The following EYS variants were observed in gnomAD, a reference collection of about 807,000 sequenced individuals.
EYS encodes the protein protein eyes shut homolog.
EYS carries 250 observed loss-of-function variants against 282.1 expected under a neutral mutation model. That is an observed-to-expected ratio of 0.89 (90% confidence interval 0.80 to 0.98). EYS has a LOEUF of 0.98. Among genes scored for constraint, EYS ranks in the 50% least tolerant of loss-of-function variants. The pLI is 0.00. For missense variants in EYS, 4,016 were observed against 3,709.0 expected (o/e 1.08, Z -2.15); for synonymous variants, 1,355 against 1,282.9 (o/e 1.06, Z -1.20).
chr6:64,995,990 CTTCT>C (rs1490103802), intron 14 of EYS, among the ~76,000 whole-genome samples: 1 of 152,098 alleles, frequency 6.6e-6, no homozygotes, highest in African/African-American at 2.4e-5. Flanking sequence ...GGGGTTCTTT[CTTCT>C]GTAATAAACT....
chr6:64,851,860 C>G (rs1024861520), intron 19 of EYS, among the ~76,000 whole-genome samples: 3 of 151,976 alleles, frequency 2.0e-5, no homozygotes, highest in Non-Finnish European at 4.4e-5. Flanking sequence ...AGGCTTAATA[C>G]CTGGGTGGTC....
chr6:65,502,401 AT>A (rs1766487207), intron 2 of EYS, among the ~76,000 whole-genome samples: 1 of 151,710 alleles, frequency 6.6e-6, no homozygotes, highest in South Asian at 2.1e-4. Flanking sequence ...TGTTAAAAAA[AT>A]TTAGTAGAGT....
chr6:63,862,115 T>C (rs1562065337), intron 36 of EYS, among the ~76,000 whole-genome samples: 1 of 152,176 alleles, frequency 6.6e-6, no homozygotes, highest in Non-Finnish European at 1.5e-5. Context: ...AGTACAAATA[T>C]CTCCTCCTCT....
intron 15 of EYS, among the ~76,000 whole-genome samples, chr6:64,925,949 T>C (rs1343294658): frequency 6.6e-6 from 1 of 152,084 alleles, no homozygotes; most frequent in Non-Finnish European, 1.5e-5. Flanking sequence ...GAATAATCAT[T>C]GCTGGGCCTA....
chr6:64,545,360 G>T (rs186955336), intron 26 of EYS, among the ~76,000 whole-genome samples: 2,097 of 152,228 alleles, frequency 0.014, 57 homozygotes, highest in East Asian at 0.11. Context: ...AGGTATTGAT[G>T]GGACGTATCT....
intron 2 of EYS, among the ~76,000 whole-genome samples, chr6:65,570,128 A>T (rs199610292): frequency 4.3e-5 from 5 of 115,200 alleles, no homozygotes; most frequent in Admixed American, 1.8e-4. Flanking sequence ...AATAAAAAAT[A>T]AAATAAAAAA....
At chr6:64,398,715 A>C (rs888427038) in intron 28 of EYS, among the ~76,000 whole-genome samples, 6 of 151,840 alleles carry the variant, frequency 4.0e-5, no homozygotes, top group African/African-American at 1.4e-4. Context: ...AAATCCTCCT[A>C]TCTGTATAAT....
chr6:65,175,026 C>T (rs1008103376), intron 12 of EYS, among the ~76,000 whole-genome samples: 1 of 151,152 alleles, frequency 6.6e-6, no homozygotes, highest in Non-Finnish European at 1.5e-5. Context: ...TTCACAAAAG[C>T]CAGCCTGAAC....
chr6:63,806,863 T>C (rs1404451138), intron 36 of EYS: 1 of 152,230 alleles, frequency 6.6e-6, no homozygotes, highest in Non-Finnish European at 1.5e-5. Flanking sequence ...AGGAAGGAAA[T>C]CGGTCAGTTT....
At chr6:65,576,737 CA>C (rs1356370211) in intron 2 of EYS, among the ~76,000 whole-genome samples, 1 of 151,742 alleles carries the variant, frequency 6.6e-6, no homozygotes, top group African/African-American at 2.4e-5. Context: ...CTTCGGGATA[CA>C]AAATCAACAT....
At chr6:64,566,267 G>C (rs1020097173) in intron 26 of EYS, among the ~76,000 whole-genome samples, 4 of 152,054 alleles carry the variant, frequency 2.6e-5, no homozygotes, top group Non-Finnish European at 4.4e-5. Context: ...ATTCTTTCTT[G>C]TATACAGGAA....
chr6:64,671,577 T>C (rs976542090), intron 22 of EYS, among the ~76,000 whole-genome samples: 2 of 152,182 alleles, frequency 1.3e-5, no homozygotes, highest in Admixed American at 6.5e-5. Flanking sequence ...ATTTCAGGGA[T>C]GAGGAAGGAG....
At chr6:64,844,292 C>G (rs1765655007) in intron 19 of EYS, among the ~76,000 whole-genome samples, 1 of 150,400 alleles carries the variant, frequency 6.6e-6, no homozygotes, top group Non-Finnish European at 1.5e-5. Context: ...AATAGCCTTT[C>G]TCACCCAGCA....
intron 30 of EYS, among the ~76,000 whole-genome samples, chr6:64,262,208 C>T (rs1445428428): frequency 6.6e-6 from 1 of 151,910 alleles, no homozygotes; most frequent in African/African-American, 2.4e-5. Flanking sequence ...ATAATATAAG[C>T]AATTTTAGTG....
At chr6:65,215,550 C>T (rs1186165248) in intron 12 of EYS, among the ~76,000 whole-genome samples, 1 of 152,110 alleles carries the variant, frequency 6.6e-6, no homozygotes, top group Non-Finnish European at 1.5e-5. Flanking sequence ...GAAATAACAA[C>T]AAATTATTTA....
At chr6:64,035,423 G>A (rs920682617) in intron 33 of EYS, among the ~76,000 whole-genome samples, 5 of 152,176 alleles carry the variant, frequency 3.3e-5, no homozygotes, top group Non-Finnish European at 7.3e-5. Context: ...AAAGAAACTA[G>A]GTAGGGCAGG....
intron 32 of EYS, among the ~76,000 whole-genome samples, chr6:64,077,234 G>A (rs980267246): frequency 3.3e-5 from 5 of 151,968 alleles, no homozygotes; most frequent in Admixed American, 6.6e-5. Context: ...AAACAACTGA[G>A]CAATCTTTTT....
At chr6:64,401,217 T>C (rs1405755889) in intron 28 of EYS, among the ~76,000 whole-genome samples, 1 of 152,122 alleles carries the variant, frequency 6.6e-6, no homozygotes, top group Admixed American at 6.6e-5. Context: ...CTCTCTCATC[T>C]GATCATTTTT....
chr6:64,347,168 A>G (rs1048661381), intron 29 of EYS, among the ~76,000 whole-genome samples: 1 of 151,468 alleles, frequency 6.6e-6, no homozygotes, highest in Non-Finnish European at 1.5e-5. Context: ...GGAAGAACCT[A>G]TAGATCAAAT....
Sources: gnomAD v4.1 joint callset for allele counts (sites outside exome capture counted in the v4.1 genomes callset) on GRCh38, gnomAD v4.1.1 for gene constraint, MANE v1.5 for transcripts, NCBI Gene and HGNC (gene_info 2026-07-23, HGNC 2026-07-21) for gene names.